The following MEGF6 variants were observed in gnomAD, a reference collection of about 807,000 sequenced individuals.
The protein encoded by MEGF6 is multiple epidermal growth factor-like domains protein 6.
In MEGF6, 184 loss-of-function variants were observed where a neutral mutation model predicts 207.1. The observed-to-expected ratio is 0.89, with a 90% confidence interval of 0.79 to 1.00. The LOEUF is 1.00. Among genes scored for constraint, MEGF6 ranks in the 50% least tolerant of loss-of-function variants. MEGF6 has a pLI of 0.00. For missense variants in MEGF6, 2,282 were observed against 2,202.9 expected (o/e 1.04, Z -0.72); for synonymous variants, 1,038 against 910.0 (o/e 1.14, Z -2.53).
chr1:3,506,043 G>T (rs1641103206), intron 15 of MEGF6, 65 bp downstream of exon 15: 1 of 1,520,672 alleles, frequency 6.6e-7, no homozygotes, highest in African/African-American at 1.4e-5. Context: ...CAGGTAACAG[G>T]ACATGGACCA....
At chr1:3,523,466 G>A (rs1009414543) in intron 5 of MEGF6, among the ~76,000 whole-genome samples, 1 of 152,022 alleles carries the variant, frequency 6.6e-6, no homozygotes, top group South Asian at 2.1e-4. Flanking sequence ...CCGTGTCCGC[G>A]ACACCTCCTC....
intron 1 of MEGF6, among the ~76,000 whole-genome samples, chr1:3,607,114 C>T (rs1224940926): frequency 6.6e-6 from 1 of 151,950 alleles, no homozygotes; most frequent in East Asian, 1.9e-4. Flanking sequence ...GGGTTGGGTG[C>T]TCCCCTCAGA....
rs1644051607 is a variant in MEGF6 at position 3,595,636 on chromosome 1, A to C, written c.267-189T>G. The stretch of plus-strand genomic sequence containing the variant: ...AGGTTCTTCTGAACGAGGGGGCAGC[A>C]TGGAGGCAGCAGGGGCCATGCTGGA... On this transcript the variant is annotated intron_variant, in intron 2 of 36. Transcript: ENST00000356575. 2.0e-5 allele frequency among the ~76,000 whole-genome samples: 3 copies of C among 152,188 alleles called. No homozygotes were observed. In the South Asian group the frequency reaches 6.2e-4, roughly 31 times the overall value.
At chr1:3,607,112 T>C (rs1644260558) in intron 1 of MEGF6, among the ~76,000 whole-genome samples, 1 of 151,566 alleles carries the variant, frequency 6.6e-6, no homozygotes, top group Admixed American at 6.6e-5. Flanking sequence ...AGGGGTTGGG[T>C]GCTCCCCTCA....
chr1:3,504,585 C>T (rs930001784), intron 17 of MEGF6, among the ~76,000 whole-genome samples: 5 of 152,040 alleles, frequency 3.3e-5, no homozygotes, highest in African/African-American at 9.7e-5. Flanking sequence ...GGGCTGGAAT[C>T]GCGTCGGGCA....
chr1:3,571,446 C>G (rs571985689), intron 4 of MEGF6, among the ~76,000 whole-genome samples: 2 of 152,038 alleles, frequency 1.3e-5, no homozygotes, highest in African/African-American at 4.8e-5. Flanking sequence ...ACATCCCCCC[C>G]AGACACGCTG....
chr1:3,496,608 G>A, intron 29 of MEGF6, 47 bp downstream of exon 29: 2 of 1,557,398 alleles, frequency 1.3e-6, no homozygotes, highest in Non-Finnish European at 8.7e-7. Flanking sequence ...GCCCTACCCT[G>A]GAGACACAGG....
rs771058316 is a variant in MEGF6 at position 3,510,813 on chromosome 1, G to A, written c.1204C>T (p.Arg402Trp). 2.1e-5 allele frequency: 34 copies of A among 1,609,966 alleles called. No individual in the cohort carries two copies. The highest frequency in any genetic ancestry group is 7.7e-5 in the South Asian group (7 of 90,994). Residue 402 changes from arginine to tryptophan, a missense_variant, in exon 10 of 37, where the codon CGG becomes TGG. Physicochemically the swap from Arg to Trp is moderately radical, Grantham distance 101. Coordinates refer to ENST00000356575, the MANE Select transcript of MEGF6 (RefSeq NM_001409.4). ...GYECGCYAGY[R>W]LSADGCGCED... ...CAGCCGCAGCCATCGGCACTGAGCC[G>A]GTAGCCGGCGTAGCAGCCGCACTCG...
chr1:3,505,619 C>T (rs1311540943), intron 15 of MEGF6, 63 bp from the exon 16 acceptor site: 6 of 1,477,764 alleles, frequency 4.1e-6, no homozygotes, highest in Non-Finnish European at 5.4e-6. Context: ...AGACCGCTTC[C>T]ACCAGCCCTG....
rs1557714133 is a variant in MEGF6 at position 3,495,918 on chromosome 1, CG to C, written c.3842del (p.Pro1281ArgfsTer237). On this transcript the variant is annotated frameshift_variant, in exon 30 of 37. Coordinates refer to ENST00000356575, the MANE Select transcript of MEGF6 (RefSeq NM_001409.4). LOFTEE classifies it high-confidence loss of function. ...DPVTGTCLCPPGRAGVRCERG... is the reference protein window; with the variant it reads ...DPVTGTCLCPXGRAGVRCERG... ...GCTCACAGCGGACGCCGGCTCTCCC[CG>C]GGGGGCAGAGGCAGGTGCCGGTCAC... 7 of 1,597,546 alleles carry C rather than the reference CG, an allele frequency of 4.4e-6. No homozygotes were observed. Among genetic ancestry groups the C allele is most frequent in the African/African-American group, 1.3e-5 (1 of 74,994 alleles).
chr1:3,516,884 T>A (rs1290401457), intron 5 of MEGF6, among the ~76,000 whole-genome samples: 1 of 152,116 alleles, frequency 6.6e-6, no homozygotes, highest in Admixed American at 6.5e-5. Flanking sequence ...GCCCCACGTG[T>A]CCCTGGCACG....
chr1:3,571,211 C>T (rs1300644065), intron 4 of MEGF6, among the ~76,000 whole-genome samples: 1 of 152,086 alleles, frequency 6.6e-6, no homozygotes, highest in Non-Finnish European at 1.5e-5. Flanking sequence ...GAGAGTGCTC[C>T]TCCAAGCCTG....
chr1:3,611,298 G>A lies in MEGF6; in HGVS notation c.-30C>T. 5 of 1,420,106 alleles carry A rather than the reference G, an allele frequency of 3.5e-6. No homozygotes were observed. The East Asian group carries it at 1.4e-4, about 40-fold the overall frequency. 88.0% of individuals were successfully genotyped at this position (1,420,106 alleles called of 1,614,324 possible). A position where few individuals can be genotyped will look rare whatever the true frequency, so the allele number is the denominator to read the frequency against. Reference sequence around the variant, plus strand: ...CGCGCCGGTGCCTCCTCCGCTCTCCGGCTCACAGGCGGCCCCGGCGGCTCC... The same window carrying A: ...CGCGCCGGTGCCTCCTCCGCTCTCCAGCTCACAGGCGGCCCCGGCGGCTCC... On this transcript the variant is annotated 5_prime_UTR_variant, in exon 1 of 37. Transcript: ENST00000356575.
At chr1:3,527,838 T>C (rs1642018249) in intron 4 of MEGF6, among the ~76,000 whole-genome samples, 1 of 152,028 alleles carries the variant, frequency 6.6e-6, no homozygotes, top group Admixed American at 6.5e-5. Flanking sequence ...TCCTGCTACG[T>C]GGACAGGAAC....
intron 4 of MEGF6, among the ~76,000 whole-genome samples, chr1:3,559,250 G>T (rs1317218001): frequency 1.3e-5 from 2 of 152,134 alleles, no homozygotes; most frequent in African/African-American, 4.8e-5. Flanking sequence ...GCCCTGAGAA[G>T]TCATTCCAAA....
Position 3,524,162 on chromosome 1 carries a change from G to C in MEGF6, c.566C>G (p.Pro189Arg), listed in dbSNP as rs1327067510. ...GCTGTCAGTGTGGAGCCGGAAGCCG[G>C]GCTTGCACTCACAGAGGTAGGAGCC... is the stretch of plus-strand genomic sequence containing the variant. ...TPGSYLCECK[P>R]GFRLHTDSRT... Residue 189 changes from proline to arginine, a missense_variant, in exon 5 of 37, where the codon CCC becomes CGC. By Grantham distance (103) the Pro-to-Arg change is moderately radical. Transcript: ENST00000356575. 19 of 1,612,898 alleles carry C rather than the reference G, an allele frequency of 1.2e-5. No homozygotes were observed. The highest frequency in any genetic ancestry group is 1.6e-5 in the Non-Finnish European group (19 of 1,179,902).
At chr1:3,511,471 C>T in intron 9 of MEGF6, 79 bp downstream of exon 9, 1 of 1,498,662 alleles carries the variant, frequency 6.7e-7, no homozygotes, top group Non-Finnish European at 9.0e-7. Flanking sequence ...CAAGTCATGG[C>T]ATGGAACTGA....
intron 4 of MEGF6, among the ~76,000 whole-genome samples, chr1:3,563,709 G>A (rs1445789696): frequency 6.6e-6 from 1 of 152,210 alleles, no homozygotes; most frequent in Non-Finnish European, 1.5e-5. Flanking sequence ...AGAGAGACGA[G>A]GCTGATGTTC....
chr1:3,499,128 T>C lies in MEGF6; in HGVS notation c.3094+10A>G. 6.2e-7 allele frequency: 1 copy of C among 1,603,220 alleles called. No individual in the cohort carries two copies. ...GGACCCCGGTCCCTGGACTCCTAGA[T>C]GTGGCTTACCCTGCAGGCAGGAGGG... On this transcript the variant is annotated intron_variant, in intron 24 of 36. Coordinates refer to ENST00000356575, the MANE Select transcript of MEGF6 (RefSeq NM_001409.4).
Sources: allele counts gnomAD v4.1 joint callset (sites outside exome capture counted in the v4.1 genomes callset), GRCh38; gene constraint gnomAD v4.1.1; transcripts MANE v1.5; gene names NCBI Gene and HGNC (gene_info 2026-07-23, HGNC 2026-07-21).